The following NSD1 variants were observed in gnomAD, a reference collection of about 807,000 sequenced individuals.
The protein encoded by NSD1 is histone-lysine N-methyltransferase, H3 lysine-36 specific.
In NSD1, 26 loss-of-function variants were observed where a neutral mutation model predicts 242.7. That is an observed-to-expected ratio of 0.11 (90% CI 0.08 to 0.15). NSD1 has a LOEUF of 0.15. Ranked by LOEUF, NSD1 falls within the 10% of genes least tolerant of loss-of-function variation. The pLI is 1.00. For synonymous variants in NSD1, 1,106 were observed against 1,178.1 expected, an observed-to-expected ratio of 0.94 and a Z score of 1.25; for missense variants, 2,495 against 3,272.8, an observed-to-expected ratio of 0.76 and a Z score of 5.80.
At chr5:177,235,054 A>G (rs779360938) in intron 5 of NSD1, among the ~76,000 whole-genome samples, 2 of 152,158 alleles carry the variant, frequency 1.3e-5, no homozygotes, top group Non-Finnish European at 2.9e-5. Context: ...CACTGTATTA[A>G]TGGTATGTCA....
chr5:177,170,452 G>C (rs1759602257), intron 2 of NSD1, among the ~76,000 whole-genome samples: 1 of 151,714 alleles, frequency 6.6e-6, no homozygotes, highest in Non-Finnish European at 1.5e-5. Context: ...CCGGGTTCAA[G>C]CAATTCTCCT....
In NSD1 at chr5:177,252,794, TC is replaced by T. The variant is rs535104242; in HGVS notation, c.4765+944del. Among the ~76,000 whole-genome samples the T allele has an allele frequency of 2.7e-3, 362 of 131,878 alleles. 24 individuals carry two copies. The highest frequency in any genetic ancestry group is 4.6e-3 in the African/African-American group (137 of 29,714). 86.5% of individuals were successfully genotyped at this position (131,878 alleles called of 152,430 possible). On this transcript the variant is annotated intron_variant, in intron 12 of 22. Coordinates refer to ENST00000439151, the MANE Select transcript of NSD1 (RefSeq NM_022455.5). The stretch of plus-strand genomic sequence containing the variant: ...GGAAAGTGTTCTCTCGCTCTCTCTC[TC>T]CCTTTTTTTTTTTTTTTTCTTAGCA...
intron 3 of NSD1, among the ~76,000 whole-genome samples, chr5:177,198,004 T>A (rs13170609): frequency 6.6e-6 from 1 of 152,128 alleles, no homozygotes; most frequent in African/African-American, 2.4e-5. Flanking sequence ...TGTTATTTTT[T>A]ATTTTAATAT....
chr5:177,193,198 T>C (rs552051518), intron 3 of NSD1, among the ~76,000 whole-genome samples: 157 of 152,260 alleles, frequency 1.0e-3, no homozygotes, highest in Admixed American at 2.3e-3. Context: ...TGGAGTGCAG[T>C]GGCGTGATCT....
chr5:177,180,926 C>A (rs1355310258), intron 2 of NSD1, among the ~76,000 whole-genome samples: 1 of 152,104 alleles, frequency 6.6e-6, no homozygotes. Flanking sequence ...CATGATCCAC[C>A]CGCCTCGGCC....
At chr5:177,248,160 A>G (rs1766445150) in intron 10 of NSD1, 21 bp from the exon 11 acceptor site, 1 of 1,613,404 alleles carries the variant, frequency 6.2e-7, no homozygotes, top group African/African-American at 1.3e-5. Flanking sequence ...CAGATGTGGG[A>G]CATTATTTTT....
rs143464319 is a variant in NSD1, at chr5:177,210,997, A to G, written c.2598A>G (p.Glu866=). 1.2e-6 allele frequency: 2 copies of G among 1,613,970 alleles called. No individual in the cohort carries two copies. The highest frequency in any genetic ancestry group is 1.3e-5 in the African/African-American group (1 of 74,898). The change falls in exon 5 of 23, where the codon GAA becomes GAG. Residue 866 remains glutamate (E), a synonymous_variant. Coordinates refer to ENST00000439151, the MANE Select transcript of NSD1 (RefSeq NM_022455.5). The part of the protein sequence containing the change: ...VVKHVLSELK[E]LSYRSLGEDV... ...AACATGTTTTATCCGAGTTGAAGGA[A>G]CTCTCTTACAGATCCTTAGGTGAGG...
At chr5:177,195,034 C>T (rs546164817) in intron 3 of NSD1, among the ~76,000 whole-genome samples, 4 of 152,130 alleles carry the variant, frequency 2.6e-5, no homozygotes, top group Admixed American at 1.3e-4. Context: ...TGGCATGCTC[C>T]TACAATCCCA....
intron 17 of NSD1, among the ~76,000 whole-genome samples, chr5:177,279,296 G>A (rs1355613697): frequency 6.6e-6 from 1 of 152,076 alleles, no homozygotes; most frequent in Non-Finnish European, 1.5e-5. Flanking sequence ...TCAGGAGATC[G>A]AGACCAGCCT....
intron 5 of NSD1, among the ~76,000 whole-genome samples, chr5:177,219,569 T>A (rs1274562243): frequency 6.6e-6 from 1 of 152,192 alleles, no homozygotes; most frequent in Non-Finnish European, 1.5e-5. Context: ...AATTTCCACC[T>A]ATTGGTGGAT....
At chr5:177,287,853 T>G (rs1055393883) in intron 20 of NSD1, among the ~76,000 whole-genome samples, 1 of 152,156 alleles carries the variant, frequency 6.6e-6, no homozygotes, top group African/African-American at 2.4e-5. Flanking sequence ...GCTGGTATTG[T>G]GAACATACTT....
intron 5 of NSD1, chr5:177,229,724 G>A (rs1764907388): frequency 5.0e-6 from 2 of 403,750 alleles, no homozygotes; most frequent in East Asian, 1.0e-4. Flanking sequence ...CCTAGCAACA[G>A]CCAGGAAGCA....
intron 2 of NSD1, among the ~76,000 whole-genome samples, chr5:177,157,258 C>G (rs748155837): frequency 6.6e-6 from 1 of 151,046 alleles, no homozygotes; most frequent in Non-Finnish European, 1.5e-5. Context: ...CCCAGCTACT[C>G]GGGAGGCTGA....
intron 5 of NSD1, among the ~76,000 whole-genome samples, chr5:177,212,672 A>G (rs960944793): frequency 6.6e-6 from 1 of 151,892 alleles, no homozygotes; most frequent in African/African-American, 2.4e-5. Context: ...TTTGGGACTC[A>G]ATATGTAACT....
intron 2 of NSD1, among the ~76,000 whole-genome samples, chr5:177,140,493 A>C (rs1241604261): frequency 6.6e-6 from 1 of 152,118 alleles, no homozygotes; most frequent in Non-Finnish European, 1.5e-5. Flanking sequence ...GATTAGAGGC[A>C]AGGTTAGGAT....
Position 177,294,157 on chromosome 5 carries a change from G to A in NSD1, c.6789G>A (p.Ser2263=), listed in dbSNP as rs368070457. Residue 2263 remains serine, a synonymous_variant, in exon 23 of 23, where the codon TCG becomes TCA. Coordinates refer to ENST00000439151, the MANE Select transcript of NSD1 (RefSeq NM_022455.5). ...KPPADTNQML[S]LSKKALAGTC... is the part of the protein sequence containing the mutation. ...CTGCTGACACCAACCAGATGCTGTCGCTCTCCAAAAAAGCTCTGGCAGGGA... is the reference window on the plus strand; with the variant it reads ...CTGCTGACACCAACCAGATGCTGTCACTCTCCAAAAAAGCTCTGGCAGGGA... The A allele has an allele frequency of 2.9e-5, 47 of 1,613,970 alleles. No homozygotes were observed. The highest frequency in any genetic ancestry group is 9.3e-5 in the African/African-American group (7 of 74,890).
At chr5:177,172,324 GT>G (rs1262580179) in intron 2 of NSD1, among the ~76,000 whole-genome samples, 1 of 151,658 alleles carries the variant, frequency 6.6e-6, no homozygotes, top group Non-Finnish European at 1.5e-5. Context: ...TTTGGAGTTT[GT>G]TTTTTTATAA....
intron 2 of NSD1, among the ~76,000 whole-genome samples, chr5:177,157,636 G>C (rs1758248439): frequency 6.6e-6 from 1 of 152,094 alleles, no homozygotes; most frequent in Non-Finnish European, 1.5e-5. Flanking sequence ...GGGTGAAACT[G>C]TATCTCAAAA....
Position 177,295,709 on chromosome 5 carries a change from C to T in NSD1, c.*250C>T. ...GAGACAGACAGACTTGGGTCTCTTT[C>T]CCCCAACTTTTCCACATGGTCATCG... On this transcript the variant is annotated 3_prime_UTR_variant, in exon 23 of 23. Coordinates refer to ENST00000439151, the MANE Select transcript of NSD1 (RefSeq NM_022455.5). This position sits in a 1 kb window ranked among gnomAD's most constrained non-coding sequence, Gnocchi z 4.3. 1.7e-6 allele frequency: 1 copy of T among 573,932 alleles called. No homozygotes were observed. The highest frequency in any genetic ancestry group is 3.1e-6 in the Non-Finnish European group (1 of 322,124). 35.6% of individuals were successfully genotyped at this position (573,932 alleles called of 1,614,324 possible). A position where few individuals can be genotyped will look rare whatever the true frequency, so the allele number is the denominator to read the frequency against.
Sources: allele counts gnomAD v4.1 joint callset (sites outside exome capture counted in the v4.1 genomes callset), GRCh38; gene constraint gnomAD v4.1.1; non-coding constraint Gnocchi (gnomAD v3.1); transcripts MANE v1.5; gene names NCBI Gene and HGNC (gene_info 2026-07-23, HGNC 2026-07-21).